NUDT4: variants seen among roughly 807,000 people sequenced by gnomAD.
NUDT4 encodes the protein diphosphoinositol polyphosphate phosphohydrolase 2.
NUDT4 carries 5 observed loss-of-function variants against 23.1 expected under a neutral mutation model. That is an observed-to-expected ratio of 0.22 (90% confidence interval 0.11 to 0.46). NUDT4 has a LOEUF of 0.46. Ranked by LOEUF, NUDT4 falls within the 20% of genes least tolerant of loss-of-function variation. The pLI is 0.99. For missense variants in NUDT4, 96 were observed against 211.6 expected (o/e 0.45, Z 3.39); for synonymous variants, 50 against 79.0 (o/e 0.63, Z 1.95).
chr12:93,379,212 T>C (rs749897037), intron 1 of NUDT4, among the ~76,000 whole-genome samples: 66 of 152,284 alleles, frequency 4.3e-4, no homozygotes, highest in South Asian at 2.1e-4. Flanking sequence ...CTTGGATAAT[T>C]TACCCATCTG....
intron 3 of NUDT4, among the ~76,000 whole-genome samples, chr12:93,396,160 T>C (rs1876918755): frequency 6.6e-6 from 1 of 152,226 alleles, no homozygotes; most frequent in Non-Finnish European, 1.5e-5. Flanking sequence ...ATTTTTAGTA[T>C]GACCTAAGAG....
At chr12:93,379,202 C>CTGCA (rs1875447775) in intron 1 of NUDT4, among the ~76,000 whole-genome samples, 1 of 152,186 alleles carries the variant, frequency 6.6e-6, no homozygotes, top group African/African-American at 2.4e-5. Flanking sequence ...AGCAGTCGTT[C>CTGCA]TTGGATAATT....
chr12:93,394,078 T>C (rs2054300), intron 1 of NUDT4, among the ~76,000 whole-genome samples: 43,175 of 151,808 alleles, frequency 0.28, 6,688 homozygotes, highest in East Asian at 0.61. Flanking sequence ...TCTCAGTTCA[T>C]TGCAACCTCC....
intron 1 of NUDT4, among the ~76,000 whole-genome samples, chr12:93,381,747 T>C (rs1260168269): frequency 3.9e-5 from 6 of 152,234 alleles, no homozygotes. Flanking sequence ...TTTGCAACAC[T>C]TCAAATGTAA....
rs1466939711 is a variant in NUDT4 at position 93,406,238 on chromosome 12, A to G, written c.*6859A>G. 3 of 134,434 alleles carry G rather than the reference A, an allele frequency of 2.2e-5. No individual in the cohort carries two copies. The highest frequency in any genetic ancestry group is 3.1e-5 in the Non-Finnish European group (2 of 64,430). The allele number at this position is 134,434 out of a possible 1,614,324, so 8.3% of individuals were successfully genotyped here. ...AGCCAAGATCATGCCACAGCACTCC[A>G]GCCTAAACTACAGAGCTAGAAAGTG... On this transcript the variant is annotated 3_prime_UTR_variant, in exon 5 of 5. Transcript: ENST00000415493.
At chr12:93,388,037 AAT>A (rs1455447695) in intron 1 of NUDT4, among the ~76,000 whole-genome samples, 5 of 152,154 alleles carry the variant, frequency 3.3e-5, no homozygotes, top group Non-Finnish European at 7.3e-5. Context: ...GCAAGTACTT[AAT>A]GAAACAGACA....
intron 1 of NUDT4, among the ~76,000 whole-genome samples, chr12:93,381,382 A>G (rs4761712): frequency 6.6e-6 from 1 of 152,216 alleles, no homozygotes; most frequent in Non-Finnish European, 1.5e-5. Context: ...GTAGCTGGGT[A>G]CTGTGCTTGT....
intron 3 of NUDT4, among the ~76,000 whole-genome samples, chr12:93,396,731 G>A (rs937689573): frequency 6.6e-5 from 10 of 151,586 alleles, no homozygotes; most frequent in African/African-American, 2.4e-4. Context: ...TGGCCAATAT[G>A]GTGAAACCCT....
Position 93,394,653 on chromosome 12 carries a change from C to T in NUDT4, c.144C>T (p.Val48=). The change falls in exon 2 of 5, where the codon GTC becomes GTT. Residue 48 remains valine (V), a synonymous_variant. Coordinates refer to ENST00000415493, the MANE Select transcript of NUDT4 (RefSeq NM_019094.6). ...GCCGGTACCCAGACCAGTGGATTGT[C>T]CCAGGAGGAGGAATGGAACCCGAGG... ...SSSRYPDQWI[V]PGGGMEPEEE... 3.2e-6 allele frequency: 5 copies of T among 1,555,432 alleles called. No homozygotes were observed. The highest frequency in any genetic ancestry group is 4.4e-6 in the Non-Finnish European group (5 of 1,149,150).
At chr12:93,392,578 G>A (rs1223493809) in intron 1 of NUDT4, among the ~76,000 whole-genome samples, 1 of 146,440 alleles carries the variant, frequency 6.8e-6, no homozygotes, top group Non-Finnish European at 1.5e-5. Context: ...TAAAAGATGG[G>A]TATGTAATAC....
chr12:93,393,812 C>T (rs902912749), intron 1 of NUDT4, among the ~76,000 whole-genome samples: 17 of 152,152 alleles, frequency 1.1e-4, no homozygotes, highest in Non-Finnish European at 2.2e-4. Context: ...CACTCTGTAT[C>T]AAGAATCGTC....
intron 1 of NUDT4, among the ~76,000 whole-genome samples, chr12:93,393,876 C>A (rs1876733720): frequency 6.6e-6 from 1 of 152,158 alleles, no homozygotes; most frequent in Non-Finnish European, 1.5e-5. Context: ...TCTTAGTATT[C>A]TTATTTTTTA....
chr12:93,383,724 C>T (rs1875858670), intron 1 of NUDT4, among the ~76,000 whole-genome samples: 1 of 152,128 alleles, frequency 6.6e-6, no homozygotes, highest in African/African-American at 2.4e-5. Flanking sequence ...GCTGGCTACT[C>T]CGGAGGCTGA....
chr12:93,394,709 T>A lies in NUDT4; in HGVS notation c.200T>A (p.Val67Asp). The change falls in exon 2 of 5, where the codon GTT (valine) becomes GAT (aspartate). Residue 67 changes from valine (V) to aspartate (D), a missense_variant. By Grantham distance (152) the Val-to-Asp change is radical (BLOSUM62 -3). Transcript: ENST00000415493. Reference protein sequence around the residue: ...EEPGGAAVREVYEEAGVKGKL... With the variant: ...EEPGGAAVREDYEEAGVKGKL... ...CCTGGCGGTGCTGCCGTGAGGGAAG[T>A]TTATGAGGAGGTGAGATGTTCTTTC... 2.6e-6 allele frequency: 4 copies of A among 1,544,602 alleles called. No homozygotes were observed. Among genetic ancestry groups the A allele is most frequent in the Non-Finnish European group, 3.5e-6 (4 of 1,139,952 alleles).
chr12:93,403,620 A>T lies in NUDT4; in HGVS notation c.*4241A>T, dbSNP rs1877625762. On this transcript the variant is annotated 3_prime_UTR_variant, in exon 5 of 5. Transcript: ENST00000415493. ...GGGCGTGAACCACCGCACCTGGCCT[A>T]TCTTGGTGTTTTTACATCCTTCAGT... 1 of 152,118 alleles carries T rather than the reference A, an allele frequency of 6.6e-6. No individual in the cohort carries two copies. Among genetic ancestry groups the T allele is most frequent in the South Asian group, 2.1e-4 (1 of 4,822 alleles). The allele number at this position is 152,118 out of a possible 1,614,324, so 9.4% of individuals were successfully genotyped here. A position where few individuals can be genotyped will look rare whatever the true frequency, so the allele number is the denominator to read the frequency against.
chr12:93,390,603 A>G (rs1467537138), intron 1 of NUDT4, among the ~76,000 whole-genome samples: 1 of 151,830 alleles, frequency 6.6e-6, no homozygotes, highest in Non-Finnish European at 1.5e-5. Context: ...TGATAATGTA[A>G]TAACCCCCCC....
intron 1 of NUDT4, among the ~76,000 whole-genome samples, chr12:93,378,955 G>C (rs538569432): frequency 5.9e-5 from 9 of 152,278 alleles, no homozygotes; most frequent in African/African-American, 2.2e-4. Context: ...CCATGAACCC[G>C]CAAGCTGTTG....
intron 1 of NUDT4, among the ~76,000 whole-genome samples, chr12:93,387,181 C>T (rs1037454007): frequency 3.3e-5 from 5 of 152,162 alleles, no homozygotes; most frequent in Non-Finnish European, 7.3e-5. Context: ...ATCCTCCTGC[C>T]TCGGCCTCCC....
intron 3 of NUDT4, among the ~76,000 whole-genome samples, chr12:93,396,524 A>G (rs1163419380): frequency 6.6e-6 from 1 of 152,186 alleles, no homozygotes; most frequent in Non-Finnish European, 1.5e-5. Context: ...GTAGAACCAT[A>G]TAAATTTTAT....
Sources: allele counts gnomAD v4.1 joint callset (sites outside exome capture counted in the v4.1 genomes callset), GRCh38; gene constraint gnomAD v4.1.1; transcripts MANE v1.5; gene names NCBI Gene and HGNC (gene_info 2026-07-23, HGNC 2026-07-21).